DACH2: variants seen among roughly 807,000 people sequenced by gnomAD.
The protein encoded by DACH2 is dachshund family transcription factor 2, also known as dachshund homolog 2.
In DACH2, 17 loss-of-function variants were observed where a neutral mutation model predicts 35.8. The ratio of observed to expected loss-of-function variants is 0.48; its 90% CI spans 0.33 to 0.71. The LOEUF is 0.71. Ranked by LOEUF, DACH2 falls within the 30% of genes least tolerant of loss-of-function variation. The pLI, the probability that DACH2 is intolerant of heterozygous loss-of-function variation, is 0.02. For synonymous variants in DACH2, 195 were observed against 177.3 expected (o/e 1.10, Z -0.79); for missense variants, 469 against 472.7 (o/e 0.99, Z 0.07).
rs188078602 is a variant in DACH2, at chrX:86,230,507, A to G, written c.488+81399A>G. ...AGGGTGATGCTGGCTTCGTAGAATG[A>G]ATTAGGGAGGGTTCCTTCTTTCTCT... On this transcript the variant is annotated intron_variant, in intron 1 of 11. Transcript: ENST00000373125. Among the ~76,000 whole-genome samples, 145 of 111,250 alleles carry G rather than the reference A, an allele frequency of 1.3e-3. 1 individual carries two copies. In the Middle Eastern group the frequency reaches 0.019, roughly 14 times the overall value.
At chrX:86,462,413 A>C (rs1032772612) in intron 2 of DACH2, among the ~76,000 whole-genome samples, 1 of 111,607 alleles carries the variant, frequency 9.0e-6, no homozygotes, top group Non-Finnish European at 1.9e-5. Context: ...AAAAGCTAAA[A>C]TTTGAAAATC....
At chrX:86,800,636 T>A (rs953019439) in intron 7 of DACH2, among the ~76,000 whole-genome samples, 20 of 111,781 alleles carry the variant, frequency 1.8e-4, no homozygotes, top group African/African-American at 6.5e-4. Context: ...AATTTTCAGG[T>A]GAGAAGCAAC....
intron 4 of DACH2, among the ~76,000 whole-genome samples, chrX:86,691,561 T>G (rs2041010334): frequency 9.0e-6 from 1 of 111,583 alleles, no homozygotes; most frequent in African/African-American, 3.3e-5. Flanking sequence ...TAATCCAGTC[T>G]GCTTGGAGTT....
intron 5 of DACH2, among the ~76,000 whole-genome samples, chrX:86,705,306 G>A (rs753602147): frequency 5.5e-5 from 6 of 109,323 alleles, no homozygotes; most frequent in African/African-American, 2.0e-4. Flanking sequence ...TTGGGAGGTG[G>A]GAGAGGGATA....
chrX:86,759,869 G>T (rs1440305418), intron 7 of DACH2, among the ~76,000 whole-genome samples: 1 of 111,572 alleles, frequency 9.0e-6, no homozygotes, highest in East Asian at 2.8e-4. Flanking sequence ...CTGGATGGAG[G>T]TCTCCCTTGA....
At chrX:86,788,145 T>A (rs1403471886) in intron 7 of DACH2, among the ~76,000 whole-genome samples, 1 of 111,032 alleles carries the variant, frequency 9.0e-6, no homozygotes, top group African/African-American at 3.3e-5. Context: ...ACTTGAGATG[T>A]TTTTTCCTTA....
rs1219305781 is a variant in DACH2, at chrX:86,245,736, C to A, written c.488+96628C>A. ...ATATCAGCCCACACAGGAGAAAGAA[C>A]CAGCACATGAACTCTGGCAGTTCTA... On this transcript the variant is annotated intron_variant, in intron 1 of 11. Transcript: ENST00000373125. Among the ~76,000 whole-genome samples the A allele has an allele frequency of 2.7e-5, 3 of 112,005 alleles. No homozygotes were observed. In the South Asian group the frequency reaches 1.1e-3, roughly 41 times the overall value.
chrX:86,650,836 A>C (rs1602740888), intron 3 of DACH2, among the ~76,000 whole-genome samples, 200 bp from the exon 4 acceptor site: 1 of 111,408 alleles, frequency 9.0e-6, no homozygotes, highest in Admixed American at 9.6e-5. Flanking sequence ...TATGTAGCAT[A>C]GCTCTGTTAA....
At chrX:86,543,807 G>A (rs1173553932) in intron 3 of DACH2, among the ~76,000 whole-genome samples, 1 of 91,891 alleles carries the variant, frequency 1.1e-5, no homozygotes, top group Non-Finnish European at 2.1e-5. Flanking sequence ...GACACAGGAA[G>A]GGGAACATCA....
chrX:86,577,862 G>A (rs1247549824), intron 3 of DACH2, among the ~76,000 whole-genome samples: 3 of 111,582 alleles, frequency 2.7e-5, no homozygotes, highest in Non-Finnish European at 5.6e-5. Context: ...TATGTGGAGG[G>A]TCCTGGAAGA....
chrX:86,461,367 A>G (rs1389809608), intron 2 of DACH2, among the ~76,000 whole-genome samples: 2 of 111,682 alleles, frequency 1.8e-5, no homozygotes, highest in Non-Finnish European at 3.8e-5. Context: ...TAGGATCAGT[A>G]TACAAACCTT....
chrX:86,610,401 C>CTTTCTTTCT (rs2039922212), intron 3 of DACH2, among the ~76,000 whole-genome samples: 2 of 76,886 alleles, frequency 2.6e-5, no homozygotes, highest in African/African-American at 1.1e-4. Flanking sequence ...TTCTTTCTTT[C>CTTTCTTTCT]TTTCTTTCTT....
intron 3 of DACH2, among the ~76,000 whole-genome samples, chrX:86,547,566 CA>C (rs2038993701): frequency 4.7e-5 from 5 of 106,867 alleles, no homozygotes; most frequent in Non-Finnish European, 7.7e-5. Context: ...CACACACACA[CA>C]CCACAGCTGC....
chrX:86,243,460 T>G (rs1469162005), intron 1 of DACH2, among the ~76,000 whole-genome samples: 1 of 112,219 alleles, frequency 8.9e-6, no homozygotes, highest in Non-Finnish European at 1.9e-5. Context: ...TCATGTTTTT[T>G]TAAAAAATAA....
chrX:86,199,978 A>G (rs2032105036), intron 1 of DACH2, among the ~76,000 whole-genome samples: 1 of 112,100 alleles, frequency 8.9e-6, no homozygotes, highest in South Asian at 3.7e-4. Flanking sequence ...AAAATAGCCC[A>G]AATAAGTAAG....
chrX:86,560,419 T>A (rs1473347125), intron 3 of DACH2, among the ~76,000 whole-genome samples: 1 of 96,833 alleles, frequency 1.0e-5, no homozygotes, highest in African/African-American at 4.0e-5. Flanking sequence ...ATTATGTGTC[T>A]TGGAGTTGCT....
chrX:86,231,116 G>A (rs891573273), intron 1 of DACH2, among the ~76,000 whole-genome samples: 12 of 112,170 alleles, frequency 1.1e-4, no homozygotes, highest in Admixed American at 2.8e-4. Context: ...TGATGTAGGC[G>A]TTAGGGCTAT....
chrX:86,786,512 C>T (rs2042139308), intron 7 of DACH2, among the ~76,000 whole-genome samples: 1 of 111,785 alleles, frequency 8.9e-6, no homozygotes, highest in South Asian at 3.7e-4. Context: ...ATAGAAGCAG[C>T]ATGTCCAAAT....
chrX:86,204,080 T>C (rs773565749), intron 1 of DACH2, among the ~76,000 whole-genome samples: 18 of 111,708 alleles, frequency 1.6e-4, no homozygotes, highest in Non-Finnish European at 3.2e-4. Flanking sequence ...AATTTAAGTA[T>C]AAAAAGTATC....
Sources: gnomAD v4.1 joint callset for allele counts (sites outside exome capture counted in the v4.1 genomes callset) on GRCh38, gnomAD v4.1.1 for gene constraint, MANE v1.5 for transcripts, NCBI Gene and HGNC (gene_info 2026-07-23, HGNC 2026-07-21) for gene names.